FAM13A: variants seen among roughly 807,000 people sequenced by gnomAD.
FAM13A encodes the protein protein FAM13A.
Under a neutral mutation model 129.6 loss-of-function variants are expected in FAM13A, and 76 were observed. That is an observed-to-expected ratio of 0.59 (90% confidence interval 0.49 to 0.71). The LOEUF (loss-of-function observed/expected upper bound fraction) is 0.71. Among genes scored for constraint, FAM13A ranks in the 30% least tolerant of loss-of-function variants. FAM13A has a pLI of 0.00. For synonymous variants in FAM13A, 443 were observed against 449.9 expected (o/e 0.98, Z 0.20); for missense variants, 1,108 against 1,249.3 (o/e 0.89, Z 1.70).
At chr4:88,911,177 T>A (rs62310476) in intron 5 of FAM13A, among the ~76,000 whole-genome samples, 44,457 of 152,048 alleles carry the variant, frequency 0.29, 6,906 homozygotes, top group African/African-American at 0.4. Context: ...CCCTTTATGA[T>A]CCTTCGTTCT....
chr4:89,026,018 A>T (rs969036696), intron 2 of FAM13A, among the ~76,000 whole-genome samples: 16 of 152,252 alleles, frequency 1.1e-4, no homozygotes, highest in African/African-American at 3.6e-4. Flanking sequence ...ACACAATAAA[A>T]GTATGATCAA....
At chr4:88,767,416 GTATTTGCCTTTCTAA>G in intron 13 of FAM13A, 122 bp downstream of exon 13, 1 of 487,096 alleles carries the variant, frequency 2.1e-6, no homozygotes, top group Admixed American at 3.7e-5. Context: ...TTTAAGTTTG[GTATTTGCCTTTCTAA>G]TCAATCACAG....
intron 5 of FAM13A, among the ~76,000 whole-genome samples, chr4:88,933,536 A>C (rs1198446455): frequency 1.3e-5 from 2 of 152,006 alleles, no homozygotes; most frequent in Admixed American, 1.3e-4. Context: ...AGATAGCTCA[A>C]CCTCCAAAAT....
chr4:88,795,807 A>C (rs188164925), intron 8 of FAM13A, among the ~76,000 whole-genome samples: 1 of 151,950 alleles, frequency 6.6e-6, no homozygotes, highest in African/African-American at 2.4e-5. Flanking sequence ...ATAATGCAGA[A>C]AATTTTTATT....
chr4:88,870,296 AGCCCACGGAGGG>A (rs1319213590), intron 6 of FAM13A, among the ~76,000 whole-genome samples: 3 of 152,182 alleles, frequency 2.0e-5, no homozygotes, highest in Non-Finnish European at 4.4e-5. Context: ...CAGTGGGTGC[AGCCCACGGAGGG>A]CGAGCTGAAG....
Position 89,006,807 on chromosome 4 carries a change from G to A in FAM13A, c.427+13653C>T, listed in dbSNP as rs576024632. 3.3e-5 allele frequency among the ~76,000 whole-genome samples: 5 copies of A among 152,270 alleles called. No homozygotes were observed. In the South Asian group the frequency reaches 1.0e-3, roughly 32 times the overall value. The stretch of plus-strand genomic sequence containing the variant: ...CGGAAGGAGAGCTAGACAGGGGATG[G>A]TGCAGGAGGAAGGTAATCTTTCCCT... On this transcript the variant is annotated intron_variant, in intron 3 of 23. Transcript: ENST00000264344.
chr4:88,885,544 C>A (rs1744265376), intron 6 of FAM13A, among the ~76,000 whole-genome samples: 1 of 152,098 alleles, frequency 6.6e-6, no homozygotes. Context: ...AGACCTGAGC[C>A]CACAAAAATT....
intron 6 of FAM13A, among the ~76,000 whole-genome samples, chr4:88,871,939 C>T (rs547256044): frequency 5.9e-5 from 9 of 152,298 alleles, no homozygotes; most frequent in African/African-American, 2.2e-4. Context: ...AGACTAACAG[C>T]GGATCTCTCG....
At chr4:88,955,501 G>A (rs939575927) in intron 4 of FAM13A, among the ~76,000 whole-genome samples, 2 of 152,126 alleles carry the variant, frequency 1.3e-5, no homozygotes, top group African/African-American at 4.8e-5. Flanking sequence ...GTAGTGGAGC[G>A]CTGCTGTAAA....
chr4:88,809,844 T>TA (rs1405197816), intron 7 of FAM13A, among the ~76,000 whole-genome samples: 111 of 139,916 alleles, frequency 7.9e-4, no homozygotes, highest in African/African-American at 1.1e-3. Context: ...TCAAGAACAT[T>TA]AAAAAAAAAA....
At chr4:88,837,132 T>C (rs1451933168) in intron 7 of FAM13A, among the ~76,000 whole-genome samples, 1 of 150,990 alleles carries the variant, frequency 6.6e-6, no homozygotes, top group Non-Finnish European at 1.5e-5. Flanking sequence ...GTAGCTGGGA[T>C]TACAGGCATG....
chr4:88,868,661 C>T (rs1173101186), intron 6 of FAM13A, among the ~76,000 whole-genome samples: 3 of 152,188 alleles, frequency 2.0e-5, no homozygotes, highest in African/African-American at 7.2e-5. Flanking sequence ...TTCCTAGACA[C>T]ACCGCACCCT....
At chr4:88,839,816 C>T (rs544000650) in intron 7 of FAM13A, among the ~76,000 whole-genome samples, 14 of 152,276 alleles carry the variant, frequency 9.2e-5, no homozygotes, top group African/African-American at 3.1e-4. Context: ...AAATCTGCCC[C>T]CCAACGTTGT....
At chr4:89,006,066 T>C (rs777840470) in intron 3 of FAM13A, among the ~76,000 whole-genome samples, 1 of 152,222 alleles carries the variant, frequency 6.6e-6, no homozygotes, top group Non-Finnish European at 1.5e-5. Flanking sequence ...CTGTAATCCA[T>C]CTTGAGCTGA....
intron 4 of FAM13A, among the ~76,000 whole-genome samples, chr4:88,950,927 G>A (rs1044216058): frequency 2.0e-5 from 3 of 152,184 alleles, no homozygotes; most frequent in Non-Finnish European, 4.4e-5. Flanking sequence ...CAGGGCATCT[G>A]TGAAGTTTCA....
intron 1 of FAM13A, among the ~76,000 whole-genome samples, chr4:89,031,280 T>G (rs1294431782): frequency 6.6e-6 from 1 of 152,148 alleles, no homozygotes; most frequent in Non-Finnish European, 1.5e-5. Flanking sequence ...AAAAAAAATT[T>G]CAGTGTAGCA....
At chr4:88,987,126 C>A (rs960616939) in intron 4 of FAM13A, among the ~76,000 whole-genome samples, 1 of 152,166 alleles carries the variant, frequency 6.6e-6, no homozygotes, top group Non-Finnish European at 1.5e-5. Context: ...ACTCCCACAA[C>A]TGCCAAATTT....
chr4:88,902,272 C>T (rs1348874546), intron 6 of FAM13A, among the ~76,000 whole-genome samples: 1 of 152,138 alleles, frequency 6.6e-6, no homozygotes, highest in Non-Finnish European at 1.5e-5. Flanking sequence ...CCAGCATCAT[C>T]CTGATACCAA....
intron 4 of FAM13A, among the ~76,000 whole-genome samples, chr4:88,964,780 A>G (rs1759123546): frequency 1.3e-5 from 2 of 151,828 alleles, no homozygotes; most frequent in Non-Finnish European, 2.9e-5. Context: ...GGCACGCACC[A>G]CTGCACCCAA....
Sources: gnomAD v4.1 joint callset for allele counts (sites outside exome capture counted in the v4.1 genomes callset) on GRCh38, gnomAD v4.1.1 for gene constraint, MANE v1.5 for transcripts, NCBI Gene and HGNC (gene_info 2026-07-23, HGNC 2026-07-21) for gene names.